Variants in TP63 observed in about 807,000 individuals in gnomAD.
TP63 encodes the protein tumor protein 63.
TP63 carries 17 observed loss-of-function variants against 82.8 expected under a neutral mutation model. That is an observed-to-expected ratio of 0.21 (90% CI 0.14 to 0.31). The LOEUF is 0.31. TP63 is among the 10% of genes least tolerant of loss of function. The probability of loss-of-function intolerance (pLI) is 1.00; values close to 1 mark genes in which losing one functional copy is unlikely to be tolerated. For missense variants in TP63, 648 were observed against 895.3 expected (o/e 0.72, Z 3.52); for synonymous variants, 330 against 321.7 (o/e 1.03, Z -0.28).
chr3:189,713,315 A>G (rs1413854431), intron 1 of TP63, among the ~76,000 whole-genome samples: 1 of 151,178 alleles, frequency 6.6e-6, no homozygotes, highest in Admixed American at 6.6e-5. Context: ...GAAGAGGCCA[A>G]TTATCAGAGC....
intron 4 of TP63, among the ~76,000 whole-genome samples, chr3:189,813,815 G>A (rs1193040906): frequency 6.6e-6 from 1 of 152,076 alleles, no homozygotes; most frequent in Non-Finnish European, 1.5e-5. Flanking sequence ...CATAATTAAA[G>A]GAAACAATTG....
At chr3:189,828,116 C>T (rs566491377) in intron 4 of TP63, among the ~76,000 whole-genome samples, 1 of 152,202 alleles carries the variant, frequency 6.6e-6, no homozygotes, top group African/African-American at 2.4e-5. Context: ...TGGTGGGCGC[C>T]TGTAGTCCCA....
chr3:189,687,119 G>C (rs980716736), intron 1 of TP63, among the ~76,000 whole-genome samples: 1 of 152,068 alleles, frequency 6.6e-6, no homozygotes, highest in African/African-American at 2.4e-5. Flanking sequence ...TAAGGGAGAA[G>C]TGGTCTACAG....
intron 1 of TP63, among the ~76,000 whole-genome samples, chr3:189,713,978 C>T (rs563486433): frequency 6.6e-6 from 1 of 152,166 alleles, no homozygotes; most frequent in African/African-American, 2.4e-5. Context: ...TTCATTCTCT[C>T]CAAAGTACGG....
At chr3:189,614,593 G>A in the TP63 span, among the ~76,000 whole-genome samples, 87 of 152,272 alleles carry the variant, frequency 5.7e-4, no homozygotes, top group Middle Eastern at 3.4e-3. Flanking sequence ...GACGTCCTAT[G>A]TATACAGTAA....
intron 3 of TP63, among the ~76,000 whole-genome samples, chr3:189,776,350 T>A (rs956897299): frequency 6.6e-6 from 1 of 152,152 alleles, no homozygotes; most frequent in Non-Finnish European, 1.5e-5. Context: ...ACAGAGCGCT[T>A]CCTCCTTTCT....
At chr3:189,794,267 G>A (rs1384566009) in intron 3 of TP63, among the ~76,000 whole-genome samples, 1 of 151,960 alleles carries the variant, frequency 6.6e-6, no homozygotes, top group East Asian at 1.9e-4. Flanking sequence ...AAATAATTAA[G>A]AAATAATTCC....
intron 1 of TP63, among the ~76,000 whole-genome samples, chr3:189,689,665 CA>C (rs1286842361): frequency 6.6e-6 from 1 of 151,684 alleles, no homozygotes; most frequent in Non-Finnish European, 1.5e-5. Context: ...GGTCATGCCT[CA>C]AAAAAAGGAT....
chr3:189,775,821 A>T (rs192612404), intron 3 of TP63, among the ~76,000 whole-genome samples: 1 of 152,340 alleles, frequency 6.6e-6, no homozygotes, highest in East Asian at 1.9e-4. Context: ...GCAGAAATTG[A>T]GGCAGCTGAA....
intron 1 of TP63, among the ~76,000 whole-genome samples, chr3:189,652,569 G>A (rs1384203701): frequency 6.8e-6 from 1 of 146,918 alleles, no homozygotes; most frequent in Non-Finnish European, 1.5e-5. Flanking sequence ...GCTAGAATGA[G>A]TTAAGACTTT....
At chr3:189,640,709 T>C (rs1711775600) in intron 1 of TP63, among the ~76,000 whole-genome samples, 1 of 152,166 alleles carries the variant, frequency 6.6e-6, no homozygotes, top group South Asian at 2.1e-4. Flanking sequence ...GTGGAAAGCT[T>C]GTTTTTCCCT....
chr3:189,832,546 C>T (rs528290732), intron 4 of TP63, among the ~76,000 whole-genome samples: 1 of 152,132 alleles, frequency 6.6e-6, no homozygotes, highest in Non-Finnish European at 1.5e-5. Flanking sequence ...TTTAATAAAG[C>T]ATGAAGTTTG....
At chr3:189,789,946 T>C in intron 3 of TP63, 1 of 1,154,048 alleles carries the variant, frequency 8.7e-7, no homozygotes. Context: ...AATGTAATGT[T>C]TTGCAAATTG....
chr3:189,649,243 C>A (rs1712676249), intron 1 of TP63, among the ~76,000 whole-genome samples: 1 of 146,760 alleles, frequency 6.8e-6, no homozygotes, highest in Admixed American at 6.7e-5. Flanking sequence ...ATGGAATCAA[C>A]ATAAATGCCC....
chr3:189,674,706 A>G (rs1308477407), intron 1 of TP63, among the ~76,000 whole-genome samples: 1 of 152,164 alleles, frequency 6.6e-6, no homozygotes, highest in Admixed American at 6.6e-5. Flanking sequence ...CCAAAGTGTC[A>G]GAGAAGGCAC....
intron 3 of TP63, among the ~76,000 whole-genome samples, chr3:189,788,937 TA>T (rs34829028): frequency 0.19 from 27,029 of 142,808 alleles, 2,615 homozygotes; most frequent in East Asian, 0.47. Context: ...AGCGTTTTGT[TA>T]AAAAAAAAAA....
intron 3 of TP63, among the ~76,000 whole-genome samples, chr3:189,804,317 T>C (rs867994081): frequency 1.2e-4 from 19 of 152,344 alleles, no homozygotes; most frequent in South Asian, 8.3e-4. Context: ...AAGGGATAGA[T>C]ATTATTCACT....
At chr3:189,743,815 T>C (rs1007370684) in intron 3 of TP63, among the ~76,000 whole-genome samples, 3 of 152,082 alleles carry the variant, frequency 2.0e-5, no homozygotes, top group Non-Finnish European at 4.4e-5. Context: ...CTGGAGAGGC[T>C]CCCTAATGTT....
intron 1 of TP63, among the ~76,000 whole-genome samples, chr3:189,727,813 T>C (rs1179045152): frequency 1.3e-5 from 2 of 152,156 alleles, no homozygotes; most frequent in East Asian, 3.8e-4. Flanking sequence ...AATTCTAATT[T>C]GGGGGCAGTT....
Sources: allele counts gnomAD v4.1 joint callset (sites outside exome capture counted in the v4.1 genomes callset), GRCh38; gene constraint gnomAD v4.1.1; transcripts MANE v1.5; gene names NCBI Gene and HGNC (gene_info 2026-07-23, HGNC 2026-07-21).